The following RGN variants were observed in gnomAD, a reference collection of about 807,000 sequenced individuals.
RGN encodes epididymis secretory protein Li 41.
A neutral mutation model predicts 20.6 loss-of-function variants in RGN; 19 were observed. That is an observed-to-expected ratio of 0.92 (90% CI 0.64 to 1.35). The LOEUF (loss-of-function observed/expected upper bound fraction) is 1.35. RGN is among the 40% of genes most tolerant of loss of function. RGN has a pLI of 0.00. For synonymous variants in RGN, 85 were observed against 87.2 expected (o/e 0.97, Z 0.14); for missense variants, 302 against 232.7 (o/e 1.30, Z -1.94).
rs369634471 is a variant in RGN at position 47,084,384 on chromosome X, G to A, written c.164-34G>A. The A allele has an allele frequency of 4.4e-6, 5 of 1,143,042 alleles. No homozygotes were observed. In the African/African-American group the frequency reaches 7.2e-5, roughly 16 times the overall value. 94.2% of individuals were successfully genotyped at this position (1,143,042 alleles called of 1,213,427 possible). A position where few individuals can be genotyped will look rare whatever the true frequency, so the allele number is the denominator to read the frequency against. Reference sequence around the variant, plus strand: ...CTCAGTGGCCTCAGCCACTAAACTGGTACTGTTTTTTAACTGTTGCTTTAC... The same window carrying A: ...CTCAGTGGCCTCAGCCACTAAACTGATACTGTTTTTTAACTGTTGCTTTAC... On this transcript the variant is annotated intron_variant, in intron 3 of 7. Transcript: ENST00000397180.
At chrX:47,079,438 GT>G (rs541170817) in intron 1 of RGN, among the ~76,000 whole-genome samples, 5 of 101,262 alleles carry the variant, frequency 4.9e-5, no homozygotes, top group Admixed American at 1.1e-4. Flanking sequence ...TGTTTTTTTG[GT>G]TTTTTTTTTG....
intron 3 of RGN, among the ~76,000 whole-genome samples, chrX:47,082,303 C>CTTTTTTTT (rs11286766): frequency 5.1e-5 from 3 of 59,257 alleles, no homozygotes; most frequent in African/African-American, 6.6e-5. Flanking sequence ...GGGACCTCAA[C>CTTTTTTTT]TTTTTTTTTT....
chrX:47,092,113 C>G lies in RGN; in HGVS notation c.747C>G (p.Cys249Trp). 8.3e-7 allele frequency: 1 copy of G among 1,207,406 alleles called. No homozygotes were observed. Among genetic ancestry groups the G allele is most frequent in the Non-Finnish European group, 1.1e-6 (1 of 892,332 alleles). ...CTGTTGATAAAACAACTTCATGCTGCTTTGGAGGGAAGAATTACTCTGAAA... is the reference window on the plus strand; with the variant it reads ...CTGTTGATAAAACAACTTCATGCTGGTTTGGAGGGAAGAATTACTCTGAAA... ...KLPVDKTTSC[C>W]FGGKNYSEMY... Residue 249 changes from cysteine to tryptophan, a missense_variant, in exon 7 of 8, where the codon TGC becomes TGG. Physicochemically the swap from Cys to Trp is radical, Grantham distance 215 (BLOSUM62 -2). Coordinates refer to ENST00000397180, the MANE Select transcript of RGN (RefSeq NM_152869.4).
At chrX:47,092,867 C>T in intron 7 of RGN, 30 bp from the exon 8 acceptor site, 1 of 1,165,395 alleles carries the variant, frequency 8.6e-7, no homozygotes. Flanking sequence ...TTACCTTTCA[C>T]CTGAGATTCC....
chrX:47,088,951 G>A lies in RGN; in HGVS notation c.347-825G>A, dbSNP rs199939540. ...TCTGCCAAAAAAAAAAAAAAAAGAA[G>A]AAGAAGAAGAAGAAGATAGAAGAAG... On this transcript the variant is annotated intron_variant, in intron 4 of 7. Coordinates refer to ENST00000397180, the MANE Select transcript of RGN (RefSeq NM_152869.4). Among the ~76,000 whole-genome samples the A allele has an allele frequency of 6.0e-3, 488 of 81,224 alleles. 22 individuals are homozygous for A. Among genetic ancestry groups the A allele is most frequent in the African/African-American group, 0.022 (460 of 21,386 alleles). The allele number at this position is 81,224 out of a possible 115,157, so 70.5% of individuals were successfully genotyped here.
At chrX:47,082,678 T>G (rs1433974587) in intron 3 of RGN, among the ~76,000 whole-genome samples, 1 of 111,196 alleles carries the variant, frequency 9.0e-6, no homozygotes, top group Non-Finnish European at 1.9e-5. Flanking sequence ...ATGACTGTGG[T>G]AAAGTGACTG....
At position 47,081,133 on chromosome X, in the gene RGN, T is replaced by TC. The variant is rs1556381092; in HGVS notation, c.-8dup. The TC allele has an allele frequency of 9.2e-6, 11 of 1,198,055 alleles. No homozygotes were observed. The highest frequency in any genetic ancestry group is 1.2e-5 in the Non-Finnish European group (11 of 884,900). On this transcript the variant is annotated 5_prime_UTR_variant, in exon 3 of 8. Coordinates refer to ENST00000397180, the MANE Select transcript of RGN (RefSeq NM_152869.4). Reference sequence around the variant, plus strand: ...TCACCTCTGTTACCTTCAATAGATCTCCCCTGCGACCATGTCTTCCATTAA... The same window carrying TC: ...TCACCTCTGTTACCTTCAATAGATCTCCCCCTGCGACCATGTCTTCCATTAA...
chrX:47,090,936 G>GAAGGAAGGAAAGAA (rs1569540737), intron 5 of RGN, among the ~76,000 whole-genome samples: 34 of 43,241 alleles, frequency 7.9e-4, no homozygotes, highest in South Asian at 3.0e-3. Context: ...AAGAAAGAAA[G>GAAGGAAGGAAAGAA]AAAGAAAGAA....
chrX:47,089,598 T>TAC (rs200155890), intron 4 of RGN, among the ~76,000 whole-genome samples, 178 bp from the exon 5 acceptor site: 2,081 of 69,939 alleles, frequency 0.03, 44 homozygotes, highest in East Asian at 0.087. Flanking sequence ...TATATATATA[T>TAC]ACACACACAC....
At chrX:47,079,389 GT>G (rs1930191254) in intron 1 of RGN, among the ~76,000 whole-genome samples, 1 of 107,696 alleles carries the variant, frequency 9.3e-6, no homozygotes, top group Non-Finnish European at 1.9e-5. Flanking sequence ...GTTTGGTTTG[GT>G]TTGGTTTCTG....
chrX:47,081,066 C>T, intron 2 of RGN, 64 bp from the exon 3 acceptor site: 1 of 813,003 alleles, frequency 1.2e-6, no homozygotes, highest in Non-Finnish European at 1.8e-6. Context: ...CAGTTCTTAG[C>T]CAGGTGTTTT....
Position 47,091,709 on chromosome X carries a change from G to C in RGN, c.594G>C (p.Lys198Asn). ...GCAGAAGTGTTTACAAGCTAGAAAA[G>C]GAAGAACAAATCCCAGATGGAATGT... is the stretch of plus-strand genomic sequence containing the variant. The part of the protein sequence containing the change: ...SNRRSVYKLE[K>N]EEQIPDGMCI... Residue 198 changes from lysine (K) to asparagine (N), a missense_variant, in exon 6 of 8, where the codon AAG (lysine) becomes AAC (asparagine). Transcript: ENST00000397180. 4.1e-6 allele frequency: 5 copies of C among 1,210,170 alleles called. No individual in the cohort carries two copies. The highest frequency in any genetic ancestry group is 5.6e-6 in the Non-Finnish European group (5 of 894,892).
Position 47,090,915 on chromosome X carries a change from GGAAAGAAAGAAAGAAAGAAAGAAA to G in RGN, c.563-716_563-693del, listed in dbSNP as rs1167092040. ...GAAGAAAGAAAGAAAGAAAGAAGAA[GGAAAGAAAGAAAGAAAGAAAGAAA>G]GAAAGAAAGAAAGAAAGAAAGAAAG... On this transcript the variant is annotated intron_variant, in intron 5 of 7. Coordinates refer to ENST00000397180, the MANE Select transcript of RGN (RefSeq NM_152869.4). Among the ~76,000 whole-genome samples, 92 of 51,892 alleles carry G rather than the reference GGAAAGAAAGAAAGAAAGAAAGAAA, an allele frequency of 1.8e-3. 3 individuals are homozygous for G. The highest frequency in any genetic ancestry group is 3.9e-3 in the Admixed American group (16 of 4,072). 45.1% of individuals were successfully genotyped at this position (51,892 alleles called of 115,157 possible). A position where few individuals can be genotyped will look rare whatever the true frequency, so the allele number is the denominator to read the frequency against.
chrX:47,090,909 G>GAAGAAAGAAAGAAGAAAGAAAGAAAGA (rs1569540707), intron 5 of RGN, among the ~76,000 whole-genome samples: 1 of 16,982 alleles, frequency 5.9e-5, no homozygotes, highest in African/African-American at 1.6e-4. Flanking sequence ...AAGAAAGAAA[G>GAAGAAAGAAAGAAGAAAGAAAGAAAGA]AAGAAGGAAA....
At chrX:47,079,454 G>A (rs782135882) in intron 1 of RGN, among the ~76,000 whole-genome samples, 9 of 103,300 alleles carry the variant, frequency 8.7e-5, no homozygotes, top group East Asian at 3.0e-4. Context: ...TTTTTGAGAC[G>A]GAGTCTTACT....
At chrX:47,089,604 C>T (rs1157479078) in intron 4 of RGN, among the ~76,000 whole-genome samples, 172 bp from the exon 5 acceptor site, 125 of 18,726 alleles carry the variant, frequency 6.7e-3, no homozygotes, top group African/African-American at 0.013. Flanking sequence ...TATATACACA[C>T]ACACACACAC....
Position 47,080,536 on chromosome X carries a change from T to A in RGN, c.-416T>A, listed in dbSNP as rs1340088170. 1.8e-5 allele frequency: 2 copies of A among 112,183 alleles called. No individual in the cohort carries two copies. The highest frequency in any genetic ancestry group is 3.2e-5 in the African/African-American group (1 of 30,804). The allele number at this position is 112,183 out of a possible 1,213,427, so 9.2% of individuals were successfully genotyped here. A position where few individuals can be genotyped will look rare whatever the true frequency, so the allele number is the denominator to read the frequency against. On this transcript the variant is annotated 5_prime_UTR_variant, in exon 2 of 8. It introduces an in-frame stop codon into an upstream open reading frame of the 5' UTR. Coordinates refer to ENST00000397180, the MANE Select transcript of RGN (RefSeq NM_152869.4). ...TCCATGGTCTGCGTTGGAAAATGTG[T>A]GTTAGTTCGAATTCAGCGAGTTCTC...
chrX:47,090,106 C>A, intron 5 of RGN, 115 bp downstream of exon 5: 1 of 455,826 alleles, frequency 2.2e-6, no homozygotes, highest in Non-Finnish European at 3.7e-6. Flanking sequence ...AAATGGAGAG[C>A]TTTCTGATGC....
intron 3 of RGN, among the ~76,000 whole-genome samples, chrX:47,081,991 A>G (rs1320157050): frequency 2.7e-5 from 3 of 112,406 alleles, no homozygotes; most frequent in East Asian, 2.8e-4. Context: ...AAACAAAACA[A>G]AAACAGGTGC....
Sources: gnomAD v4.1 joint callset for allele counts (sites outside exome capture counted in the v4.1 genomes callset) on GRCh38, gnomAD v4.1.1 for gene constraint, MANE v1.5 for transcripts, NCBI Gene and HGNC (gene_info 2026-07-23, HGNC 2026-07-21) for gene names.